Variants in MRAS observed in about 807,000 individuals in gnomAD.
The protein encoded by MRAS is muscle RAS oncogene homolog, also known as ras-related protein M-Ras.
MRAS carries 4 observed loss-of-function variants against 20.9 expected under a neutral mutation model. That is an observed-to-expected ratio of 0.19 (90% CI 0.09 to 0.44). The LOEUF is 0.44. Among genes scored for constraint, MRAS ranks in the 20% least tolerant of loss-of-function variants. MRAS has a pLI of 0.99. For missense variants in MRAS, 154 were observed against 277.5 expected (o/e 0.56, Z 3.16); for synonymous variants, 98 against 102.9 (o/e 0.95, Z 0.29).
At chr3:138,352,917 C>T (rs867023164) in intron 1 of MRAS, among the ~76,000 whole-genome samples, 2 of 151,978 alleles carry the variant, frequency 1.3e-5, no homozygotes, top group Non-Finnish European at 2.9e-5. Context: ...CCCTCAGTGT[C>T]GTCATGGGGA....
chr3:138,375,804 T>C (rs2054771561), intron 2 of MRAS, among the ~76,000 whole-genome samples: 2 of 152,158 alleles, frequency 1.3e-5, no homozygotes, highest in South Asian at 4.1e-4. Flanking sequence ...GGCAGATTGC[T>C]TGAGCTCAGG....
chr3:138,377,068 G>C (rs1321511267), intron 2 of MRAS, among the ~76,000 whole-genome samples: 1 of 152,212 alleles, frequency 6.6e-6, no homozygotes, highest in East Asian at 1.9e-4. Flanking sequence ...ATTTATAGCA[G>C]GAGCAGCAGG....
chr3:138,398,759 G>A (rs1244966885), intron 4 of MRAS, among the ~76,000 whole-genome samples, 191 bp downstream of exon 4: 2 of 152,202 alleles, frequency 1.3e-5, no homozygotes, highest in African/African-American at 4.8e-5. Context: ...TTCGTCAATG[G>A]TAGAGACAGG....
chr3:138,385,060 C>T (rs898208983), intron 2 of MRAS, among the ~76,000 whole-genome samples: 3 of 147,990 alleles, frequency 2.0e-5, no homozygotes, highest in Non-Finnish European at 4.4e-5. Context: ...GAGCAGGCAG[C>T]GAGGATAGGC....
At chr3:138,358,880 G>T (rs561580604) in intron 1 of MRAS, among the ~76,000 whole-genome samples, 1 of 152,282 alleles carries the variant, frequency 6.6e-6, no homozygotes, top group South Asian at 2.1e-4. Context: ...CTTAATAAAC[G>T]GTCATTATAA....
chr3:138,386,877 T>C (rs1309414766), intron 2 of MRAS, among the ~76,000 whole-genome samples: 2 of 152,258 alleles, frequency 1.3e-5, no homozygotes, highest in African/African-American at 2.4e-5. Flanking sequence ...TGAATGTTCA[T>C]GTGCAAATTT....
chr3:138,364,045 A>G (rs1395648885), intron 1 of MRAS, among the ~76,000 whole-genome samples: 1 of 152,150 alleles, frequency 6.6e-6, no homozygotes, highest in African/African-American at 2.4e-5. Flanking sequence ...CCTTTCATCC[A>G]CGTTCATTCA....
intron 1 of MRAS, among the ~76,000 whole-genome samples, chr3:138,365,055 G>A (rs1448046852): frequency 2.6e-5 from 4 of 152,212 alleles, no homozygotes; most frequent in Non-Finnish European, 5.9e-5. Flanking sequence ...ACCACACTGT[G>A]TTGTTTCAGA....
rs1453292275 is a variant in MRAS at position 138,403,496 on chromosome 3, C to T, written c.*1227C>T. On this transcript the variant is annotated 3_prime_UTR_variant, in exon 6 of 6. Coordinates refer to ENST00000423968, the MANE Select transcript of MRAS (RefSeq NM_001085049.3). ...ATTTGTAAAAGTAGTACTAGGTTGC[C>T]TTTTTGGCAATTTTTATTGACCTGT... 2.0e-5 allele frequency: 3 copies of T among 152,554 alleles called. No homozygotes were observed. Among genetic ancestry groups the T allele is most frequent in the Non-Finnish European group, 2.9e-5 (2 of 68,050 alleles). 9.5% of individuals were successfully genotyped at this position (152,554 alleles called of 1,614,324 possible). A position where few individuals can be genotyped will look rare whatever the true frequency, so the allele number is the denominator to read the frequency against.
chr3:138,372,759 C>A (rs1576358885), intron 1 of MRAS, 107 bp from the exon 2 acceptor site: 6 of 812,840 alleles, frequency 7.4e-6, no homozygotes, highest in Middle Eastern at 3.8e-4. Flanking sequence ...CATTTTCAAA[C>A]CTCTTTATAA....
At chr3:138,390,726 C>T (rs1049952083) in intron 2 of MRAS, among the ~76,000 whole-genome samples, 4 of 152,220 alleles carry the variant, frequency 2.6e-5, no homozygotes, top group African/African-American at 9.6e-5. Context: ...GGGACCAGGC[C>T]CAGCTCAGCC....
At chr3:138,391,362 A>AT (rs1490573610) in intron 2 of MRAS, among the ~76,000 whole-genome samples, 1 of 152,212 alleles carries the variant, frequency 6.6e-6, no homozygotes, top group Non-Finnish European at 1.5e-5. Context: ...ATAGAGGAGC[A>AT]TGGCTTTTAA....
intron 1 of MRAS, among the ~76,000 whole-genome samples, chr3:138,354,775 A>G (rs900446326): frequency 2.6e-5 from 4 of 152,076 alleles, no homozygotes; most frequent in Non-Finnish European, 4.4e-5. Context: ...GACAATGATA[A>G]CAAAATGCTT....
At chr3:138,357,983 T>C (rs1391848635) in intron 1 of MRAS, among the ~76,000 whole-genome samples, 1 of 152,214 alleles carries the variant, frequency 6.6e-6, no homozygotes, top group African/African-American at 2.4e-5. Context: ...TTCATTACTT[T>C]TGATTGCAGA....
intron 1 of MRAS, among the ~76,000 whole-genome samples, chr3:138,371,621 C>T (rs568451680): frequency 5.7e-4 from 87 of 152,246 alleles, no homozygotes; most frequent in African/African-American, 2.0e-3. Flanking sequence ...TTCTACACAG[C>T]CGTAGGATTA....
At chr3:138,397,540 T>G in intron 3 of MRAS, 63 bp downstream of exon 3, 2 of 1,550,892 alleles carry the variant, frequency 1.3e-6, no homozygotes, top group East Asian at 2.3e-5. Flanking sequence ...TAGGGCGCTC[T>G]CTCTCTCTCT....
Position 138,402,431 on chromosome 3 carries a change from T to C in MRAS, c.*162T>C. ...GGCAGGGAGCAGACAGGGTCTGGCT[T>C]TGCCCAGAGGGCACGGGCTTTCCCA... On this transcript the variant is annotated 3_prime_UTR_variant, in exon 6 of 6. Coordinates refer to ENST00000423968, the MANE Select transcript of MRAS (RefSeq NM_001085049.3). 1.5e-6 allele frequency: 1 copy of C among 656,738 alleles called. No individual in the cohort carries two copies. Among genetic ancestry groups the C allele is most frequent in the Non-Finnish European group, 2.6e-6 (1 of 385,586 alleles). 40.7% of individuals were successfully genotyped at this position (656,738 alleles called of 1,614,324 possible).
chr3:138,374,290 G>T (rs547408863), intron 2 of MRAS, among the ~76,000 whole-genome samples: 1 of 152,130 alleles, frequency 6.6e-6, no homozygotes, highest in South Asian at 2.1e-4. Context: ...CAGTGCATAG[G>T]TCTTTTACAT....
chr3:138,388,340 T>G (rs2055059742), intron 2 of MRAS, among the ~76,000 whole-genome samples: 1 of 152,216 alleles, frequency 6.6e-6, no homozygotes, highest in African/African-American at 2.4e-5. Context: ...CTTATTCTTC[T>G]GTAAAATGGG....
Sources: gnomAD v4.1 joint callset for allele counts (sites outside exome capture counted in the v4.1 genomes callset) on GRCh38, gnomAD v4.1.1 for gene constraint, MANE v1.5 for transcripts, NCBI Gene and HGNC (gene_info 2026-07-23, HGNC 2026-07-21) for gene names.